The following AGBL4 variants were observed in gnomAD, a reference collection of about 807,000 sequenced individuals.
AGBL4 encodes the protein cytosolic carboxypeptidase 6.
In AGBL4, 58 loss-of-function variants were observed where a neutral mutation model predicts 66.4. That is an observed-to-expected ratio of 0.87 (90% confidence interval 0.71 to 1.09). The LOEUF (loss-of-function observed/expected upper bound fraction) is 1.09. AGBL4 is among the 50% of genes least tolerant of loss of function. AGBL4 has a pLI of 0.00. For missense variants in AGBL4, 579 were observed against 631.0 expected (o/e 0.92, Z 0.88); for synonymous variants, 234 against 222.9 (o/e 1.05, Z -0.44).
At chr1:49,576,978 A>C (rs1644449610) in intron 3 of AGBL4, among the ~76,000 whole-genome samples, 2 of 152,090 alleles carry the variant, frequency 1.3e-5, no homozygotes, top group Admixed American at 1.3e-4. Flanking sequence ...TGCACCTGCT[A>C]GTGCACTTTT....
chr1:49,667,811 A>C (rs537029960), intron 3 of AGBL4, among the ~76,000 whole-genome samples: 107 of 152,308 alleles, frequency 7.0e-4, no homozygotes, highest in Non-Finnish European at 8.4e-4. Context: ...TATCAGTGAG[A>C]TTAAACAAAA....
chr1:49,120,146 G>A (rs1645621962), intron 4 of AGBL4, among the ~76,000 whole-genome samples: 2 of 152,240 alleles, frequency 1.3e-5, no homozygotes, highest in Admixed American at 6.5e-5. Flanking sequence ...GCCAGTCTGT[G>A]TCTTTTAATT....
chr1:49,762,658 C>A (rs750536751), intron 2 of AGBL4, among the ~76,000 whole-genome samples: 1 of 152,166 alleles, frequency 6.6e-6, no homozygotes, highest in Admixed American at 6.5e-5. Context: ...GTGCTCTGCC[C>A]GCCTTGGCCT....
intron 6 of AGBL4, among the ~76,000 whole-genome samples, chr1:48,814,724 A>G (rs572199606): frequency 6.6e-6 from 1 of 151,626 alleles, no homozygotes; most frequent in South Asian, 2.1e-4. Context: ...CCATGTTGCC[A>G]TAAATGACAG....
intron 4 of AGBL4, among the ~76,000 whole-genome samples, chr1:49,209,437 G>A (rs556260193): frequency 1.3e-5 from 2 of 152,220 alleles, no homozygotes; most frequent in African/African-American, 4.8e-5. Context: ...GGGGAAAGGT[G>A]GAGAAGTATC....
intron 3 of AGBL4, among the ~76,000 whole-genome samples, chr1:49,455,377 G>A (rs1037322320): frequency 6.6e-6 from 1 of 151,516 alleles, no homozygotes; most frequent in Non-Finnish European, 1.5e-5. Context: ...AAAATGAAGT[G>A]GCATTTTAAA....
At chr1:49,796,625 A>G (rs563329088) in intron 2 of AGBL4, among the ~76,000 whole-genome samples, 9 of 151,562 alleles carry the variant, frequency 5.9e-5, no homozygotes, top group Non-Finnish European at 1.3e-4. Flanking sequence ...ATTACACTCT[A>G]TAAGTAATCT....
chr1:49,465,707 A>G lies in AGBL4; in HGVS notation c.283-219843T>C, dbSNP rs114911298. Among the ~76,000 whole-genome samples the G allele has an allele frequency of 1.1e-3, 167 of 151,984 alleles. 1 individual carries two copies. The highest frequency in any genetic ancestry group is 3.8e-3 in the African/African-American group (157 of 41,534). On this transcript the variant is annotated intron_variant, in intron 3 of 13. Coordinates refer to ENST00000371839, the MANE Select transcript of AGBL4 (RefSeq NM_032785.4). The stretch of plus-strand genomic sequence containing the variant: ...AAACTAAAGGGAATGGAGCCCACAT[A>G]TAAAGAGGTGGTTTGGTAATAAATC...
At chr1:48,965,508 G>GA (rs1450618148) in intron 5 of AGBL4, among the ~76,000 whole-genome samples, 14 of 152,166 alleles carry the variant, frequency 9.2e-5, no homozygotes, top group Non-Finnish European at 1.6e-4. Flanking sequence ...GAATCAAGGG[G>GA]AAAGAGGTTG....
intron 2 of AGBL4, among the ~76,000 whole-genome samples, chr1:49,699,914 C>T (rs1366218442): frequency 6.6e-6 from 1 of 151,500 alleles, no homozygotes; most frequent in Non-Finnish European, 1.5e-5. Context: ...CATACATATA[C>T]CAAAAAAGTT....
At chr1:49,881,739 T>C (rs1314938737) in intron 1 of AGBL4, among the ~76,000 whole-genome samples, 2 of 151,478 alleles carry the variant, frequency 1.3e-5, no homozygotes, top group Non-Finnish European at 2.9e-5. Flanking sequence ...GGGTTGTTTG[T>C]TTTTTCCTTG....
At chr1:48,991,310 C>G (rs1160235242) in intron 5 of AGBL4, among the ~76,000 whole-genome samples, 2 of 152,106 alleles carry the variant, frequency 1.3e-5, no homozygotes, top group African/African-American at 4.8e-5. Flanking sequence ...CTATGACACC[C>G]TCTCCTGGTC....
At chr1:48,648,871 T>C (rs1645881336) in intron 8 of AGBL4, among the ~76,000 whole-genome samples, 1 of 152,160 alleles carries the variant, frequency 6.6e-6, no homozygotes, top group Admixed American at 6.5e-5. Flanking sequence ...AACATACAGC[T>C]AAAACAACTG....
intron 1 of AGBL4, among the ~76,000 whole-genome samples, chr1:49,971,412 G>T (rs1658072106): frequency 6.6e-6 from 1 of 152,078 alleles, no homozygotes; most frequent in Non-Finnish European, 1.5e-5. Context: ...TGGTTCCAAA[G>T]CACAAGAATA....
At chr1:48,608,272 G>A (rs1407379104) in intron 9 of AGBL4, among the ~76,000 whole-genome samples, 4 of 152,182 alleles carry the variant, frequency 2.6e-5, no homozygotes, top group Non-Finnish European at 2.9e-5. Context: ...TGAGATTCAA[G>A]TCTTCAGAAG....
chr1:48,571,677 T>C (rs933418913), intron 11 of AGBL4, among the ~76,000 whole-genome samples: 1 of 151,984 alleles, frequency 6.6e-6, no homozygotes, highest in Non-Finnish European at 1.5e-5. Context: ...TTGTGGCAGG[T>C]GCTTTTGTTA....
intron 6 of AGBL4, among the ~76,000 whole-genome samples, chr1:48,796,001 C>T (rs1171457065): frequency 6.6e-6 from 1 of 151,900 alleles, no homozygotes; most frequent in Non-Finnish European, 1.5e-5. Context: ...CTACCATCAC[C>T]ATCAAGATAT....
chr1:49,331,269 C>A (rs185572569), intron 3 of AGBL4, among the ~76,000 whole-genome samples: 1 of 152,116 alleles, frequency 6.6e-6, no homozygotes, highest in African/African-American at 2.4e-5. Flanking sequence ...CTGAATCCAG[C>A]GGGTCGGGTC....
chr1:49,146,988 G>A (rs1041068798), intron 4 of AGBL4, among the ~76,000 whole-genome samples: 8 of 152,212 alleles, frequency 5.3e-5, no homozygotes, highest in Admixed American at 4.6e-4. Context: ...GCTGAAGGCA[G>A]CACAAAGCTA....
Sources: gnomAD v4.1 joint callset for allele counts (sites outside exome capture counted in the v4.1 genomes callset) on GRCh38, gnomAD v4.1.1 for gene constraint, MANE v1.5 for transcripts, NCBI Gene and HGNC (gene_info 2026-07-23, HGNC 2026-07-21) for gene names.